CCNA1: variants seen among roughly 807,000 people sequenced by gnomAD.
The protein encoded by CCNA1 is cyclin A1.
Under a neutral mutation model 54.1 loss-of-function variants are expected in CCNA1, and 23 were observed. The observed-to-expected ratio is 0.42, with a 90% confidence interval of 0.31 to 0.60. The LOEUF is 0.60. CCNA1 is among the 20% of genes least tolerant of loss of function. The pLI, the probability that CCNA1 is intolerant of heterozygous loss-of-function variation, is 0.14. For synonymous variants in CCNA1, 208 were observed against 213.9 expected, an observed-to-expected ratio of 0.97 and a Z score of 0.24; for missense variants, 450 against 556.7, an observed-to-expected ratio of 0.81 and a Z score of 1.93.
In CCNA1 at chr13:36,438,064, C is replaced by G. The variant is rs751505490; in HGVS notation, c.545-3C>G. 8.1e-6 allele frequency: 13 copies of G among 1,611,656 alleles called. No homozygotes were observed. The highest frequency in any genetic ancestry group is 1.0e-5 in the Non-Finnish European group (12 of 1,179,206). ...GTTATCTGACAGTGTTGAACTCTTG[C>G]AGTTTCCCCTATGCTGGTAGATTCA... On this transcript the variant is annotated splice_region_variant and splice_polypyrimidine_tract_variant and intron_variant, in intron 3 of 8. Transcript: ENST00000255465.
chr13:36,433,950 G>T (rs1010585982), intron 2 of CCNA1, among the ~76,000 whole-genome samples: 2 of 152,136 alleles, frequency 1.3e-5, no homozygotes, highest in African/African-American at 4.8e-5. Context: ...GGAACTGTTT[G>T]GGTTATGTAT....
intron 2 of CCNA1, 93 bp from the exon 3 acceptor site, chr13:36,437,536 A>C (rs2055819937): frequency 8.1e-7 from 1 of 1,230,248 alleles, no homozygotes; most frequent in East Asian, 2.3e-5. Context: ...AATGTATCTT[A>C]CCTTCCCAGG....
chr13:36,442,032 C>A, intron 7 of CCNA1, 139 bp from the exon 8 acceptor site: 1 of 563,022 alleles, frequency 1.8e-6, no homozygotes, highest in Non-Finnish European at 3.1e-6. Context: ...CATCTAAAAT[C>A]TCTGAAGGGG....
At chr13:36,442,442 C>A in intron 8 of CCNA1, 138 bp downstream of exon 8, 2 of 1,135,812 alleles carry the variant, frequency 1.8e-6, no homozygotes, top group Non-Finnish European at 2.5e-6. Context: ...TACAAATTTA[C>A]AAATAAATTT....
chr13:36,435,048 A>G (rs1229679300), intron 2 of CCNA1, among the ~76,000 whole-genome samples: 1 of 152,186 alleles, frequency 6.6e-6, no homozygotes, highest in Non-Finnish European at 1.5e-5. Flanking sequence ...GAAGAAGTTG[A>G]CTTTGTAAAA....
At position 36,437,870 on chromosome 13, in the gene CCNA1, A is replaced by G. The variant is rs200724447; in HGVS notation, c.539A>G (p.Asn180Ser). The change falls in exon 3 of 9, where the codon AAC (asparagine) becomes AGC (serine). Residue 180 changes from asparagine to serine, a missense_variant. Asn to Ser is a conservative substitution (Grantham distance 46, BLOSUM62 1). This residue lies in a region of CCNA1 where 103 missense variants were observed against 92.9 expected (regional missense o/e 1.11). Transcript: ENST00000255465. ...GACCTGCACTTCCTGCTGGATTTCAACACAGGTAACTGACTTGCCTATGGT... is the reference window on the plus strand; with the variant it reads ...GACCTGCACTTCCTGCTGGATTTCAGCACAGGTAACTGACTTGCCTATGGT... 2.1e-5 allele frequency: 34 copies of G among 1,613,258 alleles called. No homozygotes were observed. The highest frequency in any genetic ancestry group is 1.3e-5 in the African/African-American group (1 of 75,046).
intron 7 of CCNA1, 72 bp from the exon 8 acceptor site, chr13:36,442,099 T>C (rs1332046787): frequency 7.9e-6 from 10 of 1,272,036 alleles, no homozygotes; most frequent in Non-Finnish European, 1.1e-5. Context: ...ATTCCCTTTA[T>C]TTCAAATTGG....
Position 36,434,371 on chromosome 13 carries a change from C to A in CCNA1, c.297+1150C>A, listed in dbSNP as rs542459807. Among the ~76,000 whole-genome samples, 6 of 152,286 alleles carry A rather than the reference C, an allele frequency of 3.9e-5. No homozygotes were observed. In the East Asian group the frequency reaches 1.2e-3, roughly 29 times the overall value. On this transcript the variant is annotated intron_variant, in intron 2 of 8. Coordinates refer to ENST00000255465, the MANE Select transcript of CCNA1 (RefSeq NM_003914.4). ...GCTATGGTAGAAACTAGATTAGAAG[C>A]CTCTCATCTACTGACTCTTCACATG...
chr13:36,438,895 T>G (rs1411208133), intron 5 of CCNA1, 28 bp downstream of exon 5: 7 of 1,516,948 alleles, frequency 4.6e-6, no homozygotes, highest in Non-Finnish European at 5.5e-6. Flanking sequence ...TTGCATAATA[T>G]GAAACTATCA....
At chr13:36,440,297 A>C in intron 6 of CCNA1, 114 bp downstream of exon 6, 1 of 926,752 alleles carries the variant, frequency 1.1e-6, no homozygotes, top group Non-Finnish European at 1.7e-6. Flanking sequence ...CCACAGGCCC[A>C]GAAAAACTGT....
chr13:36,434,406 A>T (rs2055775522), intron 2 of CCNA1, among the ~76,000 whole-genome samples: 1 of 152,214 alleles, frequency 6.6e-6, no homozygotes, highest in Non-Finnish European at 1.5e-5. Flanking sequence ...GCTCTGTTCA[A>T]AGCTTTGGAG....
chr13:36,433,695 C>A (rs941718585), intron 2 of CCNA1, among the ~76,000 whole-genome samples: 1 of 151,684 alleles, frequency 6.6e-6, no homozygotes, highest in East Asian at 2.0e-4. Flanking sequence ...CACCCACCAC[C>A]ACGCCCGGCT....
Position 36,438,751 on chromosome 13 carries a change from A to C in CCNA1, c.777A>C (p.Lys259Asn), listed in dbSNP as rs369651921. Residue 259 changes from lysine (K) to asparagine (N), a missense_variant, in exon 5 of 9, where the codon AAA becomes AAC. Coordinates refer to ENST00000255465, the MANE Select transcript of CCNA1 (RefSeq NM_003914.4). ...TGGTGGAGGTTGGGGAAGAATATAAACTTCGAGCAGAGACCCTGTATCTGG... is the reference window on the plus strand; with the variant it reads ...TGGTGGAGGTTGGGGAAGAATATAACCTTCGAGCAGAGACCCTGTATCTGG... 1 of 1,613,940 alleles carries C rather than the reference A, an allele frequency of 6.2e-7. No homozygotes were observed. Among genetic ancestry groups the C allele is most frequent in the African/African-American group, 1.3e-5 (1 of 74,894 alleles).
chr13:36,434,174 G>A (rs1286180190), intron 2 of CCNA1, among the ~76,000 whole-genome samples: 3 of 152,212 alleles, frequency 2.0e-5, no homozygotes, highest in Non-Finnish European at 4.4e-5. Flanking sequence ...GTGCTTTGAA[G>A]GCAGACATCT....
At chr13:36,438,333 T>C in intron 4 of CCNA1, 142 bp downstream of exon 4, 1 of 776,168 alleles carries the variant, frequency 1.3e-6, no homozygotes, top group Non-Finnish European at 2.1e-6. Flanking sequence ...AAAATAATAG[T>C]TGTGATGGCA....
chr13:36,437,547 C>T lies in CCNA1; in HGVS notation c.298-82C>T, dbSNP rs2055820179. On this transcript the variant is annotated intron_variant, in intron 2 of 8. Coordinates refer to ENST00000255465, the MANE Select transcript of CCNA1 (RefSeq NM_003914.4). Reference sequence around the variant, plus strand: ...TTAGAATGTATCTTACCTTCCCAGGCTGTTGGTTTGAGTCATGCAGGTTCA... The same window carrying T: ...TTAGAATGTATCTTACCTTCCCAGGTTGTTGGTTTGAGTCATGCAGGTTCA... The T allele has an allele frequency of 1.6e-5, 21 of 1,301,750 alleles. No individual in the cohort carries two copies. In the South Asian group the frequency reaches 2.7e-4, roughly 17 times the overall value. The allele number at this position is 1,301,750 out of a possible 1,614,324, so 80.6% of individuals were successfully genotyped here.
Position 36,432,518 on chromosome 13 carries a change from A to T in CCNA1, c.-104A>T. On this transcript the variant is annotated 5_prime_UTR_variant, in exon 1 of 9. Coordinates refer to ENST00000255465, the MANE Select transcript of CCNA1 (RefSeq NM_003914.4). The stretch of plus-strand genomic sequence containing the variant: ...CCAGTTGTTCCGGACACATAGAAAG[A>T]TAACGACGGGAAGAGCGGGGCCCGC... 1.5e-6 allele frequency: 1 copy of T among 664,658 alleles called. No individual in the cohort carries two copies. The highest frequency in any genetic ancestry group is 2.6e-6 in the Non-Finnish European group (1 of 382,670). 41.2% of individuals were successfully genotyped at this position (664,658 alleles called of 1,614,324 possible).
rs7320074 is a variant in CCNA1 at position 36,438,452 on chromosome 13, A to G, written c.670-192A>G. Among the ~76,000 whole-genome samples the G allele has an allele frequency of 4.3e-3, 647 of 151,222 alleles. 7 individuals carry two copies. Among genetic ancestry groups the G allele is most frequent in the African/African-American group, 0.015 (612 of 41,240 alleles). On this transcript the variant is annotated intron_variant, in intron 4 of 8. Transcript: ENST00000255465. ...CATTCTCCCCTGCCCCCCCAACCCC[A>G]GGTTAATTTGCTAACCAATTACTTT...
chr13:36,433,370 T>TTTTTTC lies in CCNA1; in HGVS notation c.297+152_297+153insTTCTTT, dbSNP rs1555269873. On this transcript the variant is annotated intron_variant, in intron 2 of 8. Coordinates refer to ENST00000255465, the MANE Select transcript of CCNA1 (RefSeq NM_003914.4). ...GACTACAGGAAAGTTGATTGATTTA[T>TTTTTTC]TTTCTTTCTTTCTTTCTTTCTTTCT... 32 of 317,492 alleles carry TTTTTTC rather than the reference T, an allele frequency of 1.0e-4. 3 individuals are homozygous for TTTTTTC. Among genetic ancestry groups the TTTTTTC allele is most frequent in the African/African-American group, 7.6e-4 (28 of 37,018 alleles). 19.7% of individuals were successfully genotyped at this position (317,492 alleles called of 1,614,324 possible). A position where few individuals can be genotyped will look rare whatever the true frequency, so the allele number is the denominator to read the frequency against.
Sources: allele counts gnomAD v4.1 joint callset (sites outside exome capture counted in the v4.1 genomes callset), GRCh38; gene constraint gnomAD v4.1.1; regional missense constraint gnomAD v4.1.1; transcripts MANE v1.5; gene names NCBI Gene and HGNC (gene_info 2026-07-23, HGNC 2026-07-21).